PPFIA2: variants seen among roughly 807,000 people sequenced by gnomAD.
PPFIA2 encodes the protein liprin-alpha-2.
A neutral mutation model predicts 175.5 loss-of-function variants in PPFIA2; 46 were observed. The ratio of observed to expected loss-of-function variants is 0.26; its 90% CI spans 0.21 to 0.34. PPFIA2 has a LOEUF of 0.34. Among genes scored for constraint, PPFIA2 ranks in the 10% least tolerant of loss-of-function variants. The probability of loss-of-function intolerance (pLI) is 1.00; values close to 1 mark genes in which losing one functional copy is unlikely to be tolerated. For synonymous variants in PPFIA2, 568 were observed against 511.4 expected (o/e 1.11, Z -1.49); for missense variants, 1,179 against 1,506.1 (o/e 0.78, Z 3.60).
chr12:81,535,607 C>T, intron 4 of PPFIA2: 1 of 368,932 alleles, frequency 2.7e-6, no homozygotes, highest in Non-Finnish European at 5.3e-6. Context: ...GAAAAAAGTT[C>T]CTAAAACAGA....
chr12:81,306,089 A>G (rs1206425715), intron 22 of PPFIA2, among the ~76,000 whole-genome samples: 2 of 152,034 alleles, frequency 1.3e-5, no homozygotes, highest in Admixed American at 1.3e-4. Flanking sequence ...TTCACCTTCT[A>G]TTTGATGCCT....
chr12:81,302,684 G>C (rs750712289), intron 22 of PPFIA2: 21 of 453,532 alleles, frequency 4.6e-5, no homozygotes, highest in Non-Finnish European at 8.9e-6. Context: ...GGTAACTCCA[G>C]ATGTGCTTTT....
intron 21 of PPFIA2, among the ~76,000 whole-genome samples, chr12:81,331,599 A>G (rs1480805900): frequency 1.3e-5 from 2 of 152,322 alleles, no homozygotes; most frequent in East Asian, 1.9e-4. Context: ...AGGCAAAAAA[A>G]GCTCTTTAAA....
intron 7 of PPFIA2, among the ~76,000 whole-genome samples, chr12:81,419,801 T>A (rs1203028441): frequency 6.6e-6 from 1 of 152,124 alleles, no homozygotes; most frequent in African/African-American, 2.4e-5. Context: ...TGCATTTGCA[T>A]CCATATCCAA....
chr12:81,534,160 G>T (rs1340021876), intron 4 of PPFIA2, among the ~76,000 whole-genome samples: 3 of 151,636 alleles, frequency 2.0e-5, no homozygotes, highest in Non-Finnish European at 4.4e-5. Flanking sequence ...ACCAGAGGCT[G>T]GGAAGGGTGT....
intron 24 of PPFIA2, among the ~76,000 whole-genome samples, chr12:81,293,662 A>G (rs567537988): frequency 9.9e-5 from 15 of 152,082 alleles, no homozygotes; most frequent in Middle Eastern, 3.2e-3. Context: ...AAGGGCACAG[A>G]GAAAAGGGAA....
chr12:81,725,522 G>A lies in PPFIA2; in HGVS notation c.249+28451C>T, dbSNP rs531417348. Among the ~76,000 whole-genome samples, 149 of 150,156 alleles carry A rather than the reference G, an allele frequency of 9.9e-4. 1 individual carries two copies. Among genetic ancestry groups the A allele is most frequent in the Non-Finnish European group, 1.8e-3 (118 of 67,002 alleles). ...TTAGAAGGAAACCAAAGAGTTCTCAGGAAAAAATTAGGGTCTTAAAATCCA... is the reference window on the plus strand; with the variant it reads ...TTAGAAGGAAACCAAAGAGTTCTCAAGAAAAAATTAGGGTCTTAAAATCCA... On this transcript the variant is annotated intron_variant, in intron 3 of 32. Transcript: ENST00000549396.
intron 9 of PPFIA2, among the ~76,000 whole-genome samples, chr12:81,380,551 C>A (rs1044586448): frequency 2.0e-5 from 3 of 151,534 alleles, no homozygotes; most frequent in African/African-American, 7.3e-5. Context: ...AAAAAAGATC[C>A]AAATATTGAT....
intron 3 of PPFIA2, among the ~76,000 whole-genome samples, chr12:81,735,661 C>G (rs548835955): frequency 1.5e-4 from 23 of 151,618 alleles, no homozygotes; most frequent in African/African-American, 5.6e-4. Flanking sequence ...TTTGCCTAAT[C>G]CAAGGTTTCA....
intron 4 of PPFIA2, among the ~76,000 whole-genome samples, chr12:81,582,277 T>C (rs2074531486): frequency 6.6e-6 from 1 of 151,890 alleles, no homozygotes; most frequent in South Asian, 2.1e-4. Flanking sequence ...ATTGAGTTTC[T>C]CTTCCATGTT....
At chr12:81,375,746 AATG>A in intron 10 of PPFIA2, 47 bp downstream of exon 10, 4 of 1,527,078 alleles carry the variant, frequency 2.6e-6, no homozygotes, top group Non-Finnish European at 3.6e-6. Flanking sequence ...GTTTTGTGAG[AATG>A]ATGAGAACGC....
intron 15 of PPFIA2, among the ~76,000 whole-genome samples, chr12:81,361,162 A>G (rs564263682): frequency 3.1e-4 from 47 of 151,822 alleles, no homozygotes; most frequent in African/African-American, 1.1e-3. Context: ...GACTCAGTGC[A>G]GTGATAGACT....
At chr12:81,316,686 C>T (rs901269018) in intron 22 of PPFIA2, among the ~76,000 whole-genome samples, 11 of 151,486 alleles carry the variant, frequency 7.3e-5, no homozygotes, top group Non-Finnish European at 1.2e-4. Context: ...ACATTTGTTG[C>T]TCATTTTTAA....
chr12:81,576,312 G>A (rs903345387), intron 4 of PPFIA2, among the ~76,000 whole-genome samples: 1 of 151,778 alleles, frequency 6.6e-6, no homozygotes, highest in African/African-American at 2.4e-5. Context: ...AGGAAGGGAA[G>A]ACTGAAAAGC....
At chr12:81,458,245 G>A (rs1244529933) in intron 4 of PPFIA2, among the ~76,000 whole-genome samples, 1 of 151,936 alleles carries the variant, frequency 6.6e-6, no homozygotes, top group African/African-American at 2.4e-5. Flanking sequence ...ACAGAGTACA[G>A]TGGATCTTCA....
At chr12:81,447,555 A>G (rs1395148668) in intron 5 of PPFIA2, among the ~76,000 whole-genome samples, 1 of 152,180 alleles carries the variant, frequency 6.6e-6, no homozygotes, top group African/African-American at 2.4e-5. Context: ...GTCTAAAGTA[A>G]GTTTCTCCTT....
chr12:81,465,261 C>G (rs1420360752), intron 4 of PPFIA2: 2 of 152,206 alleles, frequency 1.3e-5, no homozygotes, highest in Non-Finnish European at 1.5e-5. Context: ...GTAAGTCCTG[C>G]CTTGAAGAAT....
intron 4 of PPFIA2, among the ~76,000 whole-genome samples, chr12:81,564,714 C>G (rs1291992391): frequency 2.0e-5 from 3 of 152,088 alleles, no homozygotes; most frequent in Non-Finnish European, 4.4e-5. Context: ...ATGCGGAGAA[C>G]CAAGGAACAT....
chr12:81,532,581 A>C (rs1485954277), intron 4 of PPFIA2, among the ~76,000 whole-genome samples: 1 of 151,822 alleles, frequency 6.6e-6, no homozygotes, highest in Non-Finnish European at 1.5e-5. Flanking sequence ...ATAAAATACT[A>C]TACAGTTAGA....
Sources: gnomAD v4.1 joint callset for allele counts (sites outside exome capture counted in the v4.1 genomes callset) on GRCh38, gnomAD v4.1.1 for gene constraint, MANE v1.5 for transcripts, NCBI Gene and HGNC (gene_info 2026-07-23, HGNC 2026-07-21) for gene names.